Variants in ZFX observed in about 807,000 individuals in gnomAD.
ZFX encodes zinc finger X-chromosomal protein.
For synonymous variants in ZFX, 196 were observed against 226.8 expected (o/e 0.86, Z 1.22); for missense variants, 362 against 628.3 (o/e 0.58, Z 4.53).
chrX:24,203,737 A>G (rs1232966616), intron 5 of ZFX, among the ~76,000 whole-genome samples: 2 of 111,096 alleles, frequency 1.8e-5, no homozygotes, highest in African/African-American at 3.3e-5. Flanking sequence ...TTCCCTTACC[A>G]TCACGCCGTT....
chrX:24,156,461 A>G (rs897172617), intron 3 of ZFX, among the ~76,000 whole-genome samples: 3 of 110,763 alleles, frequency 2.7e-5, no homozygotes, highest in Admixed American at 1.9e-4. Context: ...AGTTTTTTGT[A>G]TATTGTGTGA....
intron 1 of ZFX, chrX:24,150,219 C>T (rs1217635168): frequency 1.3e-5 from 1 of 79,870 alleles, no homozygotes; most frequent in Non-Finnish European, 2.4e-5. Flanking sequence ...GGCGGCGGCT[C>T]GGCGCCTGCT....
At chrX:24,165,654 C>T (rs1933935115) in intron 3 of ZFX, among the ~76,000 whole-genome samples, 2 of 112,022 alleles carry the variant, frequency 1.8e-5, no homozygotes, top group Admixed American at 9.5e-5. Context: ...AAAATTTTAC[C>T]TAGGATGGTT....
intron 4 of ZFX, among the ~76,000 whole-genome samples, chrX:24,174,178 A>T (rs1175782188): frequency 9.1e-6 from 1 of 109,670 alleles, no homozygotes; most frequent in East Asian, 2.9e-4. Context: ...GCACCACTGC[A>T]CTCCAGTCTG....
intron 5 of ZFX, among the ~76,000 whole-genome samples, chrX:24,193,827 T>C (rs1253470138): frequency 8.9e-6 from 1 of 112,010 alleles, no homozygotes. Flanking sequence ...ACCTACAATT[T>C]ACCATCTTAA....
At chrX:24,193,553 G>A (rs889344070) in intron 5 of ZFX, among the ~76,000 whole-genome samples, 11 of 111,753 alleles carry the variant, frequency 9.8e-5, no homozygotes, top group Non-Finnish European at 1.7e-4. Context: ...ACTTTAAAAT[G>A]GATAATTTTG....
intron 5 of ZFX, among the ~76,000 whole-genome samples, chrX:24,205,507 G>A (rs1937537222): frequency 8.9e-6 from 1 of 111,875 alleles, no homozygotes; most frequent in African/African-American, 3.3e-5. Flanking sequence ...TATTTTCCAG[G>A]TCCTGTGAAT....
chrX:24,204,418 A>T (rs760925687), intron 5 of ZFX, among the ~76,000 whole-genome samples: 10 of 112,020 alleles, frequency 8.9e-5, no homozygotes, highest in African/African-American at 2.9e-4. Flanking sequence ...TCACGACAGA[A>T]CTTTGCAGAA....
chrX:24,158,479 G>A (rs1041193087), intron 3 of ZFX, among the ~76,000 whole-genome samples: 1 of 111,521 alleles, frequency 9.0e-6, no homozygotes, highest in African/African-American at 3.3e-5. Context: ...TCTTGTTCTG[G>A]TTTTACTGCA....
intron 5 of ZFX, among the ~76,000 whole-genome samples, chrX:24,206,240 A>G (rs976522406): frequency 2.7e-5 from 3 of 112,464 alleles, no homozygotes; most frequent in Non-Finnish European, 5.6e-5. Context: ...TTATTTTCAA[A>G]TGTATTATTC....
rs768227994 is a variant in ZFX at position 24,166,836 on chromosome X, G to A, written c.-28-5879G>A. On this transcript the variant is annotated intron_variant, in intron 3 of 9. Transcript: ENST00000304543. ...TATGATGAATTTTTGGTTGAATAAA[G>A]CAATTGGAAATCAATTAATGTCAAA... 2.7e-5 allele frequency among the ~76,000 whole-genome samples: 3 copies of A among 111,823 alleles called. No individual in the cohort carries two copies. The South Asian group carries it at 1.1e-3, about 41-fold the overall frequency.
chrX:24,198,483 GTTTT>G (rs5901749), intron 5 of ZFX, among the ~76,000 whole-genome samples: 1 of 87,321 alleles, frequency 1.1e-5, no homozygotes, highest in Admixed American at 1.2e-4. Flanking sequence ...ACCTGGCTTT[GTTTT>G]TTTTTTTTTT....
At chrX:24,187,434 A>AC (rs1936212747) in intron 5 of ZFX, among the ~76,000 whole-genome samples, 1 of 111,811 alleles carries the variant, frequency 8.9e-6, no homozygotes, top group Admixed American at 9.6e-5. Context: ...AGGCAAATAG[A>AC]ATTCCAAAGA....
chrX:24,192,148 G>C (rs1004511336), intron 5 of ZFX, among the ~76,000 whole-genome samples: 1 of 111,768 alleles, frequency 8.9e-6, no homozygotes, highest in African/African-American at 3.3e-5. Context: ...TATTAGACTT[G>C]CCATAGTAAG....
intron 5 of ZFX, among the ~76,000 whole-genome samples, chrX:24,189,944 G>A (rs1936424399): frequency 8.9e-6 from 1 of 111,923 alleles, no homozygotes; most frequent in Non-Finnish European, 1.9e-5. Context: ...ATAAAACACA[G>A]GAAAAAGTTT....
chrX:24,195,914 G>A lies in ZFX; in HGVS notation c.647-11412G>A, dbSNP rs2083686150. On this transcript the variant is annotated intron_variant, in intron 5 of 9. Coordinates refer to ENST00000304543, the MANE Select transcript of ZFX (RefSeq NM_003410.4). ...TCCCGTGACTTTTCATGATAAGTGT[G>A]TTACAATTTTTGGTTCTTTGCCTTT... is the stretch of plus-strand genomic sequence containing the variant. Among the ~76,000 whole-genome samples, 3 of 112,494 alleles carry A rather than the reference G, an allele frequency of 2.7e-5. No homozygotes were observed. In the South Asian group the frequency reaches 1.1e-3, roughly 41 times the overall value.
chrX:24,192,385 T>C (rs1259642734), intron 5 of ZFX, among the ~76,000 whole-genome samples: 1 of 111,897 alleles, frequency 8.9e-6, no homozygotes, highest in Non-Finnish European at 1.9e-5. Flanking sequence ...TTTAAAGATT[T>C]ATCAGGTGTC....
chrX:24,165,958 C>T (rs1933960222), intron 3 of ZFX, among the ~76,000 whole-genome samples: 1 of 112,603 alleles, frequency 8.9e-6, no homozygotes, highest in South Asian at 3.6e-4. Flanking sequence ...ATGGAATGAA[C>T]ATGGATATTG....
At chrX:24,194,075 T>G in intron 5 of ZFX, among the ~76,000 whole-genome samples, 1 of 111,891 alleles carries the variant, frequency 8.9e-6, no homozygotes, top group Non-Finnish European at 1.9e-5. Flanking sequence ...TATTTTTTCC[T>G]TTTGTGGCTG....
Sources: gnomAD v4.1 joint callset for allele counts (sites outside exome capture counted in the v4.1 genomes callset) on GRCh38, gnomAD v4.1.1 for gene constraint, MANE v1.5 for transcripts, NCBI Gene and HGNC (gene_info 2026-07-23, HGNC 2026-07-21) for gene names.